MCTP1: variants seen among roughly 807,000 people sequenced by gnomAD.
MCTP1 encodes multiple C2 and transmembrane domain-containing protein 1.
Under a neutral mutation model 120.6 loss-of-function variants are expected in MCTP1, and 69 were observed. The ratio of observed to expected loss-of-function variants is 0.57; its 90% CI spans 0.47 to 0.70. The LOEUF is 0.70. Ranked by LOEUF, MCTP1 falls within the 30% of genes least tolerant of loss-of-function variation. MCTP1 has a pLI of 0.00. For missense variants in MCTP1, 1,203 were observed against 1,248.8 expected, an observed-to-expected ratio of 0.96 and a Z score of 0.55; for synonymous variants, 529 against 493.1, an observed-to-expected ratio of 1.07 and a Z score of -0.96.
At chr5:94,935,609 C>A in intron 5 of MCTP1, among the ~76,000 whole-genome samples, 1 of 151,960 alleles carries the variant, frequency 6.6e-6, no homozygotes, top group Non-Finnish European at 1.5e-5. Flanking sequence ...AAATATTTAG[C>A]AAAGTTTTAT....
intron 19 of MCTP1, among the ~76,000 whole-genome samples, chr5:94,734,174 A>G (rs1228648223): frequency 6.6e-6 from 1 of 152,132 alleles, no homozygotes; most frequent in Non-Finnish European, 1.5e-5. Flanking sequence ...TCCTTTCCAG[A>G]ATTTCTGTAA....
At chr5:95,265,593 A>G (rs1313187871) in intron 1 of MCTP1, among the ~76,000 whole-genome samples, 20 of 152,200 alleles carry the variant, frequency 1.3e-4, no homozygotes, top group Non-Finnish European at 2.9e-5. Flanking sequence ...CTGAGAGTAC[A>G]CTACTGCTGG....
chr5:94,966,745 A>G (rs1400654232), intron 2 of MCTP1, among the ~76,000 whole-genome samples: 1 of 151,860 alleles, frequency 6.6e-6, no homozygotes, highest in Non-Finnish European at 1.5e-5. Flanking sequence ...CAGTGAGCCG[A>G]GACTGTGCCA....
At chr5:95,187,133 G>A (rs1162752093) in intron 1 of MCTP1, among the ~76,000 whole-genome samples, 1 of 152,156 alleles carries the variant, frequency 6.6e-6, no homozygotes, top group African/African-American at 2.4e-5. Flanking sequence ...GCAGTAAATC[G>A]AAGAGATATT....
At chr5:94,947,363 A>G (rs1279721190) in intron 3 of MCTP1, among the ~76,000 whole-genome samples, 1 of 151,702 alleles carries the variant, frequency 6.6e-6, no homozygotes. Context: ...GACAGGGAGT[A>G]TCTAATTGGC....
At chr5:94,924,069 T>C in intron 6 of MCTP1, 48 bp from the exon 7 acceptor site, 1 of 1,106,522 alleles carries the variant, frequency 9.0e-7, no homozygotes, top group Non-Finnish European at 1.3e-6. Context: ...TTTTTGAGAA[T>C]AATTAATATT....
chr5:94,726,106 A>C (rs2152675500), intron 19 of MCTP1, among the ~76,000 whole-genome samples: 1 of 152,306 alleles, frequency 6.6e-6, no homozygotes, highest in East Asian at 1.9e-4. Context: ...TATTATTCTC[A>C]TTCCCAGCTT....
intron 1 of MCTP1, among the ~76,000 whole-genome samples, chr5:95,116,840 C>T (rs1355810318): frequency 2.0e-5 from 3 of 152,118 alleles, no homozygotes; most frequent in Non-Finnish European, 1.5e-5. Flanking sequence ...GTCTGCTTGC[C>T]TGTTGCGGGT....
At chr5:95,203,249 T>A (rs889463432) in intron 1 of MCTP1, among the ~76,000 whole-genome samples, 4 of 152,206 alleles carry the variant, frequency 2.6e-5, no homozygotes, top group African/African-American at 9.6e-5. Context: ...ATTTATGCTT[T>A]GGGTCCTTAA....
At chr5:95,068,754 C>T (rs1277093328) in intron 1 of MCTP1, 14 of 1,251,496 alleles carry the variant, frequency 1.1e-5, no homozygotes, top group Non-Finnish European at 1.4e-5. Flanking sequence ...AGCTAACACA[C>T]TTTGTCAGTC....
At chr5:95,277,856 A>C (rs1036788405) in intron 1 of MCTP1, among the ~76,000 whole-genome samples, 3 of 152,200 alleles carry the variant, frequency 2.0e-5, no homozygotes, top group Non-Finnish European at 4.4e-5. Flanking sequence ...TCTCGAAAAG[A>C]CTTCACTGAA....
At chr5:94,990,999 C>T (rs1475840112) in intron 2 of MCTP1, among the ~76,000 whole-genome samples, 2 of 152,108 alleles carry the variant, frequency 1.3e-5, no homozygotes, top group Non-Finnish European at 2.9e-5. Context: ...TTCACAAGCC[C>T]CTGCCATTCA....
At chr5:94,900,885 T>C (rs1726962769) in intron 10 of MCTP1, among the ~76,000 whole-genome samples, 1 of 152,210 alleles carries the variant, frequency 6.6e-6, no homozygotes, top group African/African-American at 2.4e-5. Context: ...GAATCATGGA[T>C]GAAAAAGTAC....
At chr5:95,241,709 T>A (rs1382412211) in intron 1 of MCTP1, among the ~76,000 whole-genome samples, 1 of 152,202 alleles carries the variant, frequency 6.6e-6, no homozygotes, top group African/African-American at 2.4e-5. Flanking sequence ...CTAAGAAAAT[T>A]GAAATCCTTC....
chr5:95,214,629 CAAT>C (rs1360411901), intron 1 of MCTP1, among the ~76,000 whole-genome samples: 1 of 152,020 alleles, frequency 6.6e-6, no homozygotes, highest in Non-Finnish European at 1.5e-5. Context: ...TGTCCAACAA[CAAT>C]AGACTGGATT....
At chr5:94,822,479 T>G (rs1188760406) in intron 17 of MCTP1, among the ~76,000 whole-genome samples, 1 of 152,240 alleles carries the variant, frequency 6.6e-6, no homozygotes, top group Non-Finnish European at 1.5e-5. Context: ...TTTGGGTTGG[T>G]TCTAAGTCTT....
At chr5:94,730,501 A>G (rs1762927276) in intron 19 of MCTP1, among the ~76,000 whole-genome samples, 2 of 152,272 alleles carry the variant, frequency 1.3e-5, no homozygotes, top group Non-Finnish European at 2.9e-5. Context: ...CAAGCTTGGG[A>G]AAAGGGCAGA....
At chr5:95,128,960 G>A (rs965869812) in intron 1 of MCTP1, among the ~76,000 whole-genome samples, 8 of 152,106 alleles carry the variant, frequency 5.3e-5, no homozygotes, top group African/African-American at 1.9e-4. Context: ...AGAGGAATAA[G>A]AAACGCCCCA....
intron 19 of MCTP1, among the ~76,000 whole-genome samples, chr5:94,718,794 A>G (rs1215509364): frequency 3.3e-5 from 5 of 152,208 alleles, no homozygotes; most frequent in Admixed American, 3.3e-4. Context: ...GTCTTGGCTC[A>G]CTGCAACCTC....
Sources: allele counts gnomAD v4.1 joint callset (sites outside exome capture counted in the v4.1 genomes callset), GRCh38; gene constraint gnomAD v4.1.1; transcripts MANE v1.5; gene names NCBI Gene and HGNC (gene_info 2026-07-23, HGNC 2026-07-21).